The following ZNF696 variants were observed in gnomAD, a reference collection of about 807,000 sequenced individuals.
ZNF696 encodes the protein zinc finger protein 696.
A neutral mutation model predicts 12.3 loss-of-function variants in ZNF696; 10 were observed. The observed-to-expected ratio is 0.81, with a 90% CI of 0.50 to 1.38. ZNF696 has a LOEUF of 1.38. Ranked by LOEUF, ZNF696 falls within the 40% of genes most tolerant of loss-of-function variation. The pLI is 0.00. For missense variants in ZNF696, 675 were observed against 554.7 expected (o/e 1.22, Z -2.18); for synonymous variants, 304 against 243.9 (o/e 1.25, Z -2.29).
In ZNF696 at chr8:143,299,124, A is replaced by C. The variant is rs1815763670; in HGVS notation, c.*2324A>C. Among the ~76,000 whole-genome samples, 1 of 152,196 alleles carries C rather than the reference A, an allele frequency of 6.6e-6. No homozygotes were observed. The highest frequency in any genetic ancestry group is 1.5e-5 in the Non-Finnish European group (1 of 68,040). On this transcript the variant is annotated 3_prime_UTR_variant, in exon 3 of 3. Coordinates refer to ENST00000330143, the MANE Select transcript of ZNF696 (RefSeq NM_030895.3). ...CAGTGAGCCGAGATCACGCCATTGC[A>C]CTCCAGCCTGGGCAAAAAGAGCAAA...
In ZNF696 at chr8:143,296,634, C is replaced by G. The variant is rs1456923967; in HGVS notation, c.959C>G (p.Pro320Arg). The G allele has an allele frequency of 3.2e-6, 5 of 1,585,268 alleles. No individual in the cohort carries two copies. The East Asian group carries it at 1.1e-4, about 36-fold the overall frequency. The stretch of plus-strand genomic sequence containing the variant: ...CGCCGCATCCACACCGGGGAGAAGC[C>G]CCACCAGTGCGGCCACTGCGGGCGC... ...EHRRIHTGEKPHQCGHCGRAF... is the reference protein window; with the variant it reads ...EHRRIHTGEKRHQCGHCGRAF... Residue 320 changes from proline (P) to arginine (R), a missense_variant, in exon 3 of 3, where the codon CCC becomes CGC. Transcript: ENST00000330143.
At chr8:143,294,870 G>A (rs951789586) in intron 2 of ZNF696, among the ~76,000 whole-genome samples, 3 of 152,026 alleles carry the variant, frequency 2.0e-5, no homozygotes, top group African/African-American at 7.2e-5. Flanking sequence ...TGGGAGGAGG[G>A]TTGAGCCCAG....
chr8:143,292,153 T>A (rs1815635123), intron 1 of ZNF696: 1 of 152,130 alleles, frequency 6.6e-6, no homozygotes, highest in Admixed American at 6.5e-5. Flanking sequence ...AGACGGGGTC[T>A]CACTATGTTG....
Position 143,298,591 on chromosome 8 carries a change from C to T in ZNF696, c.*1791C>T, listed in dbSNP as rs1324162319. Among the ~76,000 whole-genome samples, 5 of 152,214 alleles carry T rather than the reference C, an allele frequency of 3.3e-5. No individual in the cohort carries two copies. The highest frequency in any genetic ancestry group is 1.2e-4 in the African/African-American group (5 of 41,448). ...TCAGCTGACTGAGGGCCAACAGAAA[C>T]AGCAGGCAGCCGCTGTCAGCCACAA... On this transcript the variant is annotated 3_prime_UTR_variant, in exon 3 of 3. Transcript: ENST00000330143.
chr8:143,295,460 C>T (rs1017102701), intron 2 of ZNF696: 6 of 664,996 alleles, frequency 9.0e-6, no homozygotes, highest in African/African-American at 1.8e-5. Flanking sequence ...TCTGAAAGTG[C>T]GGAGATACAG....
Position 143,299,401 on chromosome 8 carries a change from T to C in ZNF696, c.*2601T>C, listed in dbSNP as rs1815767448. Among the ~76,000 whole-genome samples the C allele has an allele frequency of 6.6e-6, 1 of 152,220 alleles. No individual in the cohort carries two copies. Among genetic ancestry groups the C allele is most frequent in the South Asian group, 2.1e-4 (1 of 4,832 alleles). On this transcript the variant is annotated 3_prime_UTR_variant, in exon 3 of 3. Coordinates refer to ENST00000330143, the MANE Select transcript of ZNF696 (RefSeq NM_030895.3). ...TTGACTTTGATAAGTTAAATGTGCA[T>C]AGTGTAATTTAATGTTAATTACTAA...
At chr8:143,292,636 A>T (rs940772606) in intron 1 of ZNF696, among the ~76,000 whole-genome samples, 1 of 152,220 alleles carries the variant, frequency 6.6e-6, no homozygotes, top group Non-Finnish European at 1.5e-5. Flanking sequence ...TTCTCTAGAC[A>T]TTTGAAGACT....
In ZNF696 at chr8:143,296,395, C is replaced by CGA. The variant is rs750583425; in HGVS notation, c.722_723dup (p.Cys242SerfsTer120). 1 of 1,594,912 alleles carries CGA rather than the reference C, an allele frequency of 6.3e-7. No individual in the cohort carries two copies. Among genetic ancestry groups the CGA allele is most frequent in the South Asian group, 1.1e-5 (1 of 90,018 alleles). On this transcript the variant is annotated frameshift_variant, in exon 3 of 3. Transcript: ENST00000330143. LOFTEE classifies it high-confidence loss of function. ...CCGGGGAGAGGCTGTACGCGTGCGG[C>CGA]GAGTGCGGGAAGCGCTTCCTGCACA...
Position 143,291,655 on chromosome 8 carries a change from A to T in ZNF696, c.-143A>T. The stretch of plus-strand genomic sequence containing the variant: ...CACGTGCGGGGCTTCCTGCGAGCTG[A>T]GTCCCCGCTGCGCGTCTTCAGGCCT... On this transcript the variant is annotated 5_prime_UTR_variant, in exon 1 of 3. Coordinates refer to ENST00000330143, the MANE Select transcript of ZNF696 (RefSeq NM_030895.3). The T allele has an allele frequency of 2.0e-6, 2 of 985,476 alleles. No homozygotes were observed. The highest frequency in any genetic ancestry group is 2.4e-6 in the Non-Finnish European group (2 of 829,944). The allele number at this position is 985,476 out of a possible 1,614,324, so 61.0% of individuals were successfully genotyped here.
rs952314017 is a variant in ZNF696 at position 143,299,680 on chromosome 8, G to A, written c.*2880G>A. On this transcript the variant is annotated 3_prime_UTR_variant, in exon 3 of 3. Coordinates refer to ENST00000330143, the MANE Select transcript of ZNF696 (RefSeq NM_030895.3). ...CAATTAAAAAATAAGAACGAAATCAGGCTGGGCCTGAGCGCTGTGGCTCAC... is the reference window on the plus strand; with the variant it reads ...CAATTAAAAAATAAGAACGAAATCAAGCTGGGCCTGAGCGCTGTGGCTCAC... Among the ~76,000 whole-genome samples, 1 of 152,206 alleles carries A rather than the reference G, an allele frequency of 6.6e-6. No individual in the cohort carries two copies. Among genetic ancestry groups the A allele is most frequent in the Non-Finnish European group, 1.5e-5 (1 of 68,044 alleles).
In ZNF696 at chr8:143,295,720, C is replaced by T. The variant is rs1443089381; in HGVS notation, c.65-20C>T. On this transcript the variant is annotated intron_variant, in intron 2 of 2. Transcript: ENST00000330143. The stretch of plus-strand genomic sequence containing the variant: ...CGTTCTCTTACATCTAAAATCGTTC[C>T]TGTCTGGCCTCTTTTTCAGCTGTGA... 2 of 1,545,272 alleles carry T rather than the reference C, an allele frequency of 1.3e-6. No homozygotes were observed. Among genetic ancestry groups the T allele is most frequent in the African/African-American group, 2.8e-5 (2 of 72,516 alleles).
Position 143,296,180 on chromosome 8 carries a change from G to T in ZNF696, c.505G>T (p.Val169Phe). Residue 169 changes from valine to phenylalanine, a missense_variant, in exon 3 of 3, where the codon GTC (valine) becomes TTC (phenylalanine). Transcript: ENST00000330143. The part of the protein sequence containing the change: ...GKAFIHSSHV[V>F]RHQRAHSGER... ...GGCCTTCATCCACAGCTCGCACGTGGTCCGGCACCAGCGGGCGCACAGCGG... is the reference window on the plus strand; with the variant it reads ...GGCCTTCATCCACAGCTCGCACGTGTTCCGGCACCAGCGGGCGCACAGCGG... 6.2e-7 allele frequency: 1 copy of T among 1,605,674 alleles called. No homozygotes were observed.
At position 143,296,126 on chromosome 8, in the gene ZNF696, A is replaced by AAACCGTACGAGTGCAGC; in HGVS notation, c.452_468dup (p.Asp157AsnfsTer210). On this transcript the variant is annotated frameshift_variant, in exon 3 of 3. Transcript: ENST00000330143. LOFTEE classifies it high-confidence loss of function. ...GCACCGGAGCATCCACTCGGGGGAG[A>AAACCGTACGAGTGCAGC]AACCGTACGAGTGCAGCGACTGCGG... 6.2e-7 allele frequency: 1 copy of AAACCGTACGAGTGCAGC among 1,610,052 alleles called. No homozygotes were observed. Among genetic ancestry groups the AAACCGTACGAGTGCAGC allele is most frequent in the Non-Finnish European group, 8.5e-7 (1 of 1,178,690 alleles).
rs553910029 is a variant in ZNF696 at position 143,298,102 on chromosome 8, A to C, written c.*1302A>C. Reference sequence around the variant, plus strand: ...TTTGAGTTTCTTGGGATGACAGGGAAATGTGAGCCGCCTACTGGCCGTGAG... The same window carrying C: ...TTTGAGTTTCTTGGGATGACAGGGACATGTGAGCCGCCTACTGGCCGTGAG... On this transcript the variant is annotated 3_prime_UTR_variant, in exon 3 of 3. Transcript: ENST00000330143. 3.8e-4 allele frequency: 58 copies of C among 152,208 alleles called. No individual in the cohort carries two copies. Among genetic ancestry groups the C allele is most frequent in the African/African-American group, 1.3e-3 (56 of 41,534 alleles). 9.4% of individuals were successfully genotyped at this position (152,208 alleles called of 1,614,324 possible).
chr8:143,293,224 T>C (rs1815654705), intron 2 of ZNF696, 159 bp downstream of exon 2: 2 of 624,494 alleles, frequency 3.2e-6, no homozygotes, highest in Non-Finnish European at 5.7e-6. Flanking sequence ...TCAGATCTCC[T>C]GGGCATCTGT....
chr8:143,296,500 C>G lies in ZNF696; in HGVS notation c.825C>G (p.Ser275Arg). Residue 275 changes from serine to arginine, a missense_variant, in exon 3 of 3, where the codon AGC becomes AGG. Coordinates refer to ENST00000330143, the MANE Select transcript of ZNF696 (RefSeq NM_030895.3). ...GCCGGGAGTGCGGCCAGGCCTTCAG[C>G]CAGAGCTCCAACCTCCTCCAGCACC... is the stretch of plus-strand genomic sequence containing the variant. ...YECRECGQAF[S>R]QSSNLLQHQR... 1 of 1,608,574 alleles carries G rather than the reference C, an allele frequency of 6.2e-7. No individual in the cohort carries two copies. The highest frequency in any genetic ancestry group is 8.5e-7 in the Non-Finnish European group (1 of 1,179,230).
At chr8:143,294,390 C>CTTT (rs34039539) in intron 2 of ZNF696, among the ~76,000 whole-genome samples, 8 of 144,006 alleles carry the variant, frequency 5.6e-5, no homozygotes, top group Non-Finnish European at 7.6e-5. Flanking sequence ...CTTTTCTTTT[C>CTTT]TTTTTTTTTT....
At position 143,296,206 on chromosome 8, in the gene ZNF696, G is replaced by T. The variant is rs781332118; in HGVS notation, c.531G>T (p.Gly177=). 3.1e-6 allele frequency: 5 copies of T among 1,596,074 alleles called. No individual in the cohort carries two copies. Among genetic ancestry groups the T allele is most frequent in the Admixed American group, 1.7e-5 (1 of 58,388 alleles). The part of the protein sequence containing the change: ...HVVRHQRAHS[G]ERPYACAECG... Reference sequence around the variant, plus strand: ...TCCGGCACCAGCGGGCGCACAGCGGGGAGAGGCCCTACGCGTGCGCCGAGT... The same window carrying T: ...TCCGGCACCAGCGGGCGCACAGCGGTGAGAGGCCCTACGCGTGCGCCGAGT... The change falls in exon 3 of 3, where the codon GGG becomes GGT. Residue 177 remains glycine, a synonymous_variant. Coordinates refer to ENST00000330143, the MANE Select transcript of ZNF696 (RefSeq NM_030895.3).
At chr8:143,292,565 T>C (rs1815645117) in intron 1 of ZNF696, among the ~76,000 whole-genome samples, 1 of 152,184 alleles carries the variant, frequency 6.6e-6, no homozygotes. Flanking sequence ...TTTCTTCTGG[T>C]TTAACATTTT....
Sources: gnomAD v4.1 joint callset for allele counts (sites outside exome capture counted in the v4.1 genomes callset) on GRCh38, gnomAD v4.1.1 for gene constraint, MANE v1.5 for transcripts, NCBI Gene and HGNC (gene_info 2026-07-23, HGNC 2026-07-21) for gene names.